The following SPSB4 variants were observed in gnomAD, a reference collection of about 807,000 sequenced individuals.
SPSB4 encodes the protein splA/ryanodine receptor domain and SOCS box containing 4.
A neutral mutation model predicts 20.9 loss-of-function variants in SPSB4; 21 were observed. The observed-to-expected ratio is 1.01, with a 90% CI of 0.71 to 1.45. The LOEUF (loss-of-function observed/expected upper bound fraction) is 1.45. Ranked by LOEUF, SPSB4 falls within the 40% of genes most tolerant of loss-of-function variation. The pLI is 0.00. For synonymous variants in SPSB4, 207 were observed against 183.8 expected, an observed-to-expected ratio of 1.13 and a Z score of -1.02; for missense variants, 399 against 399.2, an observed-to-expected ratio of 1.00 and a Z score of 0.00.
chr3:141,059,613 C>T (rs940551056), intron 1 of SPSB4, among the ~76,000 whole-genome samples: 12 of 152,114 alleles, frequency 7.9e-5, no homozygotes, highest in Admixed American at 6.5e-5. Context: ...CCAGACAGCT[C>T]CCACCAGGCC....
intron 2 of SPSB4, among the ~76,000 whole-genome samples, chr3:141,082,365 G>C (rs1261597692): frequency 6.6e-6 from 1 of 152,170 alleles, no homozygotes; most frequent in Non-Finnish European, 1.5e-5. Flanking sequence ...CCATGGTTGG[G>C]AGGTGGCATT....
chr3:141,126,588 ATCT>A (rs1471162096), intron 2 of SPSB4, among the ~76,000 whole-genome samples: 6 of 152,174 alleles, frequency 3.9e-5, no homozygotes, highest in Admixed American at 3.9e-4. Context: ...ACCCCAGAGG[ATCT>A]TCTTCCACAG....
intron 2 of SPSB4, among the ~76,000 whole-genome samples, chr3:141,081,492 T>C (rs1035592086): frequency 1.1e-4 from 16 of 151,960 alleles, no homozygotes; most frequent in African/African-American, 3.9e-4. Context: ...AGGAGAAAGA[T>C]TTAGCCCAGA....
Position 141,066,635 on chromosome 3 carries a change from G to A in SPSB4, c.531G>A (p.Leu177=). The stretch of plus-strand genomic sequence containing the variant: ...AGGCCTTTGCGCTGCCCGACTCGCT[G>A]CTCGTGGTGCTGGACATGGATGAGG... ...PDEAFALPDS[L]LVVLDMDEGT... The change falls in exon 2 of 3, where the codon CTG becomes CTA. Residue 177 remains leucine (L), a synonymous_variant. Coordinates refer to ENST00000310546, the MANE Select transcript of SPSB4 (RefSeq NM_080862.3). The A allele has an allele frequency of 6.2e-7, 1 of 1,610,778 alleles. No individual in the cohort carries two copies. Among genetic ancestry groups the A allele is most frequent in the South Asian group, 1.1e-5 (1 of 90,638 alleles).
intron 2 of SPSB4, chr3:141,117,274 A>C (rs1938892880): frequency 6.6e-6 from 1 of 152,164 alleles, no homozygotes; most frequent in African/African-American, 2.4e-5. Flanking sequence ...TTTACAGAGG[A>C]AGCAGCCTGC....
At chr3:141,114,928 T>C (rs952850232) in intron 2 of SPSB4, among the ~76,000 whole-genome samples, 1 of 152,158 alleles carries the variant, frequency 6.6e-6, no homozygotes, top group Non-Finnish European at 1.5e-5. Context: ...ACCAGTGTCT[T>C]GTGGGGAACG....
At chr3:141,073,216 T>C (rs1020913581) in intron 2 of SPSB4, among the ~76,000 whole-genome samples, 3 of 152,208 alleles carry the variant, frequency 2.0e-5, no homozygotes, top group Non-Finnish European at 4.4e-5. Flanking sequence ...TTAGAAGTGA[T>C]GCAGAAATGA....
chr3:141,105,011 G>A (rs1458557859), intron 2 of SPSB4, among the ~76,000 whole-genome samples: 2 of 152,188 alleles, frequency 1.3e-5, no homozygotes, highest in African/African-American at 2.4e-5. Context: ...TAGAGAATGA[G>A]GCCCTGAGTC....
intron 2 of SPSB4, among the ~76,000 whole-genome samples, chr3:141,081,498 C>T (rs1260079520): frequency 6.6e-6 from 1 of 152,148 alleles, no homozygotes; most frequent in Non-Finnish European, 1.5e-5. Flanking sequence ...AAGATTTAGC[C>T]CAGATACCAG....
intron 2 of SPSB4, chr3:141,116,923 T>C (rs1938888251): frequency 1.3e-5 from 2 of 152,154 alleles, no homozygotes; most frequent in Non-Finnish European, 2.9e-5. Flanking sequence ...AGCAGGCTGA[T>C]GGGTGTGGCA....
intron 2 of SPSB4, among the ~76,000 whole-genome samples, chr3:141,087,224 G>T (rs76351022): frequency 0.023 from 3,457 of 152,286 alleles, 225 homozygotes; most frequent in East Asian, 0.14. Flanking sequence ...ACAGTAGTAT[G>T]GCTGCAGTAG....
chr3:141,084,562 G>A (rs1010628261), intron 2 of SPSB4, among the ~76,000 whole-genome samples: 7 of 152,194 alleles, frequency 4.6e-5, no homozygotes, highest in African/African-American at 7.2e-5. Context: ...ATCCCAGCCC[G>A]GGCAGCAGCT....
At chr3:141,134,336 G>C (rs1939190594) in intron 2 of SPSB4, among the ~76,000 whole-genome samples, 1 of 151,878 alleles carries the variant, frequency 6.6e-6, no homozygotes, top group Admixed American at 6.6e-5. Flanking sequence ...TTCTGGCTAG[G>C]ACTTCCAGCA....
chr3:141,063,080 T>C (rs1339108634), intron 1 of SPSB4, among the ~76,000 whole-genome samples: 2 of 152,234 alleles, frequency 1.3e-5, no homozygotes, highest in Admixed American at 6.5e-5. Flanking sequence ...GGTCTTCAAT[T>C]GTGGATCGCA....
chr3:141,075,353 C>T (rs1469682010), intron 2 of SPSB4, among the ~76,000 whole-genome samples: 4 of 152,142 alleles, frequency 2.6e-5, no homozygotes, highest in African/African-American at 9.7e-5. Flanking sequence ...GGCCGCCGCT[C>T]AGACCATACA....
In SPSB4 at chr3:141,147,131, T is replaced by C. The variant is rs1357295538; in HGVS notation, c.695-11T>C. 1 of 1,613,738 alleles carries C rather than the reference T, an allele frequency of 6.2e-7. No homozygotes were observed. The highest frequency in any genetic ancestry group is 1.7e-5 in the Admixed American group (1 of 60,028). ...ACAGGGCACACTCTAACTGCTTCCC[T>C]CTCATTGCAGCCGAGCCCCTGCCAC... On this transcript the variant is annotated splice_polypyrimidine_tract_variant and intron_variant, in intron 2 of 2. Coordinates refer to ENST00000310546, the MANE Select transcript of SPSB4 (RefSeq NM_080862.3).
intron 2 of SPSB4, among the ~76,000 whole-genome samples, chr3:141,084,326 C>A (rs1938301784): frequency 6.6e-6 from 1 of 152,108 alleles, no homozygotes; most frequent in Non-Finnish European, 1.5e-5. Flanking sequence ...CTCCCCCACA[C>A]CCCTCTCCTG....
intron 2 of SPSB4, among the ~76,000 whole-genome samples, chr3:141,075,259 T>C (rs1938084096): frequency 6.6e-6 from 1 of 152,106 alleles, no homozygotes; most frequent in Non-Finnish European, 1.5e-5. Context: ...GGGCAGAGTT[T>C]AGACCAGTGT....
chr3:141,115,234 C>T (rs1191395283), intron 2 of SPSB4: 1 of 152,206 alleles, frequency 6.6e-6, no homozygotes, highest in East Asian at 1.9e-4. Context: ...GCGTTTGGGC[C>T]TCTGTGGTTG....
Sources: allele counts gnomAD v4.1 joint callset (sites outside exome capture counted in the v4.1 genomes callset), GRCh38; gene constraint gnomAD v4.1.1; transcripts MANE v1.5; gene names NCBI Gene and HGNC (gene_info 2026-07-23, HGNC 2026-07-21).